ATRNL1: variants seen among roughly 807,000 people sequenced by gnomAD.
The protein encoded by ATRNL1 is attractin like 1, also known as attractin-like protein 1.
Under a neutral mutation model 182.7 loss-of-function variants are expected in ATRNL1, and 95 were observed. That is an observed-to-expected ratio of 0.52 (90% CI 0.44 to 0.62). ATRNL1 has a LOEUF of 0.62. Among genes scored for constraint, ATRNL1 ranks in the 20% least tolerant of loss-of-function variants. The pLI, the probability that ATRNL1 is intolerant of heterozygous loss-of-function variation, is 0.00. For synonymous variants in ATRNL1, 576 were observed against 568.3 expected (o/e 1.01, Z -0.19); for missense variants, 1,471 against 1,679.5 (o/e 0.88, Z 2.17).
chr10:115,323,657 T>C (rs1433565554), intron 18 of ATRNL1, among the ~76,000 whole-genome samples: 2 of 152,118 alleles, frequency 1.3e-5, no homozygotes, highest in African/African-American at 4.8e-5. Context: ...TTGGCCAGGC[T>C]GTCCTTCAAC....
At chr10:115,436,876 T>G (rs1846428359) in intron 21 of ATRNL1, among the ~76,000 whole-genome samples, 1 of 152,108 alleles carries the variant, frequency 6.6e-6, no homozygotes, top group Non-Finnish European at 1.5e-5. Context: ...TATACACTAC[T>G]AGAGAAAATA....
In ATRNL1 at chr10:115,202,352, G is replaced by C. The variant is rs1453041777; in HGVS notation, c.1349-13345G>C. 5.4e-3 allele frequency among the ~76,000 whole-genome samples: 808 copies of C among 150,774 alleles called. 2 individuals carry two copies. Among genetic ancestry groups the C allele is most frequent in the African/African-American group, 0.013 (551 of 41,152 alleles). On this transcript the variant is annotated intron_variant, in intron 8 of 28. Coordinates refer to ENST00000355044, the MANE Select transcript of ATRNL1 (RefSeq NM_207303.4). ...CTTCCAGTTTTTGCCCATTCAGTATGATATTGGCTGTGGGTTTGTCATAGA... is the reference window on the plus strand; with the variant it reads ...CTTCCAGTTTTTGCCCATTCAGTATCATATTGGCTGTGGGTTTGTCATAGA...
intron 10 of ATRNL1, among the ~76,000 whole-genome samples, chr10:115,257,281 C>T (rs954511316): frequency 6.6e-6 from 1 of 152,172 alleles, no homozygotes; most frequent in African/African-American, 2.4e-5. Context: ...TTGTAGGTCT[C>T]CAAGGGCTTG....
chr10:115,295,691 T>C (rs1345086727), intron 15 of ATRNL1, among the ~76,000 whole-genome samples: 1 of 152,104 alleles, frequency 6.6e-6, no homozygotes, highest in Non-Finnish European at 1.5e-5. Flanking sequence ...CTGGCTTGGC[T>C]GGCTCAAGGA....
chr10:115,372,910 C>T (rs1857470837), intron 19 of ATRNL1, among the ~76,000 whole-genome samples: 1 of 152,030 alleles, frequency 6.6e-6, no homozygotes, highest in Admixed American at 6.6e-5. Flanking sequence ...GCTAAAATGC[C>T]ATTGGCATTT....
At chr10:115,841,630 T>C (rs1476553524) in intron 27 of ATRNL1, among the ~76,000 whole-genome samples, 1 of 152,156 alleles carries the variant, frequency 6.6e-6, no homozygotes, top group Non-Finnish European at 1.5e-5. Context: ...AACCCTGTTT[T>C]TGAGTGTCCA....
chr10:115,562,958 AAG>A lies in ATRNL1; in HGVS notation c.3795+13424_3795+13425del, dbSNP rs1592856959. 2.0e-5 allele frequency among the ~76,000 whole-genome samples: 3 copies of A among 152,212 alleles called. No homozygotes were observed. In the East Asian group the frequency reaches 5.8e-4, roughly 29 times the overall value. On this transcript the variant is annotated intron_variant, in intron 26 of 28. Transcript: ENST00000355044. ...CTAAATAGCAGAAACATTTTTGAAA[AAG>A]AACAAATTTACAGTTCCTGAATTCA...
chr10:115,688,287 C>A (rs544443994), intron 26 of ATRNL1, among the ~76,000 whole-genome samples: 2 of 152,152 alleles, frequency 1.3e-5, no homozygotes, highest in East Asian at 1.9e-4. Context: ...CATGTGAGTC[C>A]AGGTATCCCC....
At chr10:115,570,797 A>C in intron 26 of ATRNL1, among the ~76,000 whole-genome samples, 1 of 144,244 alleles carries the variant, frequency 6.9e-6, no homozygotes, top group Admixed American at 6.9e-5. Context: ...TCTAGCTATC[A>C]TGTATAAAGG....
At position 115,462,700 on chromosome 10, in the gene ATRNL1, T is replaced by C. The variant is rs568996755; in HGVS notation, c.3417+665T>C. ...TCCTTTATACCATTCCACAGTAATA[T>C]GATTTGTCTTTTTTCTCAGTCAGTA... On this transcript the variant is annotated intron_variant, in intron 22 of 28. Transcript: ENST00000355044. Among the ~76,000 whole-genome samples the C allele has an allele frequency of 3.3e-5, 5 of 152,274 alleles. No individual in the cohort carries two copies. In the East Asian group the frequency reaches 9.6e-4, roughly 29 times the overall value.
chr10:115,239,749 G>A, intron 9 of ATRNL1, among the ~76,000 whole-genome samples: 1 of 152,146 alleles, frequency 6.6e-6, no homozygotes, highest in East Asian at 1.9e-4. Context: ...GTGGGATGAA[G>A]GCTATTGGGT....
intron 26 of ATRNL1, among the ~76,000 whole-genome samples, chr10:115,573,634 C>T (rs1281619406): frequency 6.6e-6 from 1 of 152,080 alleles, no homozygotes; most frequent in Admixed American, 6.6e-5. Flanking sequence ...ATTTTCAGAG[C>T]AGAAGTCTCA....
intron 19 of ATRNL1, among the ~76,000 whole-genome samples, chr10:115,350,334 C>CAAAAAAAAA (rs1424122017): frequency 0.025 from 747 of 29,604 alleles, 126 homozygotes; most frequent in Non-Finnish European, 0.031. Context: ...GACTCTGTCT[C>CAAAAAAAAA]AAAAAAAAAA....
chr10:115,245,606 A>G (rs1447416292), intron 10 of ATRNL1, among the ~76,000 whole-genome samples: 1 of 151,794 alleles, frequency 6.6e-6, no homozygotes, highest in African/African-American at 2.4e-5. Flanking sequence ...TATATAATAG[A>G]TATAGTTTGG....
At chr10:115,412,466 C>T (rs555068506) in intron 20 of ATRNL1, among the ~76,000 whole-genome samples, 21 of 152,190 alleles carry the variant, frequency 1.4e-4, no homozygotes, top group Admixed American at 5.2e-4. Flanking sequence ...TCCTGATCCA[C>T]GGAAACAGTG....
intron 21 of ATRNL1, among the ~76,000 whole-genome samples, chr10:115,431,401 TAAAAAAA>T (rs3981285): frequency 9.0e-6 from 1 of 110,852 alleles, no homozygotes; most frequent in Non-Finnish European, 2.0e-5. Context: ...AGAGTGAAAC[TAAAAAAA>T]AAAAAAAAAA....
At chr10:115,827,385 T>C (rs1401412735) in intron 27 of ATRNL1, among the ~76,000 whole-genome samples, 1 of 152,222 alleles carries the variant, frequency 6.6e-6, no homozygotes, top group Non-Finnish European at 1.5e-5. Flanking sequence ...GCATGATTAG[T>C]GCCTATGATT....
At chr10:115,362,898 A>G (rs1243349315) in intron 19 of ATRNL1, among the ~76,000 whole-genome samples, 1 of 151,216 alleles carries the variant, frequency 6.6e-6, no homozygotes, top group African/African-American at 2.4e-5. Flanking sequence ...TATGTGCCAC[A>G]TTTTCTTAAT....
chr10:115,856,434 A>AAAAAAAAAAAAAAAAT lies in ATRNL1; in HGVS notation c.4018+8458_4018+8459insTAAAAAAAAAAAAAAA, dbSNP rs1565439863. ...CAAGAGCGAAGCTCCATCTCAAAAAAAAAAAAAAAAAAAAAAGCCATACAT... is the reference window on the plus strand; with the variant it reads ...CAAGAGCGAAGCTCCATCTCAAAAAAAAAAAAAAAAAAAAATAAAAAAAAAAAAAAAAGCCATACAT... On this transcript the variant is annotated intron_variant, in intron 28 of 28. Transcript: ENST00000355044. Among the ~76,000 whole-genome samples, 4 of 142,622 alleles carry AAAAAAAAAAAAAAAAT rather than the reference A, an allele frequency of 2.8e-5. 1 individual carries two copies. In the East Asian group the frequency reaches 8.3e-4, roughly 30 times the overall value. The allele number at this position is 142,622 out of a possible 152,430, so 93.6% of individuals were successfully genotyped here. A position where few individuals can be genotyped will look rare whatever the true frequency, so the allele number is the denominator to read the frequency against.
Sources: gnomAD v4.1 joint callset for allele counts (sites outside exome capture counted in the v4.1 genomes callset) on GRCh38, gnomAD v4.1.1 for gene constraint, MANE v1.5 for transcripts, NCBI Gene and HGNC (gene_info 2026-07-23, HGNC 2026-07-21) for gene names.